PRELID2: variants seen among roughly 807,000 people sequenced by gnomAD.
PRELID2 encodes PRELI domain-containing protein 2.
A neutral mutation model predicts 28.4 loss-of-function variants in PRELID2; 25 were observed. That is an observed-to-expected ratio of 0.88 (90% confidence interval 0.64 to 1.23). The LOEUF is 1.23. Ranked by LOEUF, PRELID2 falls within the 50% of genes most tolerant of loss-of-function variation. The probability of loss-of-function intolerance (pLI) is 0.00; values close to 1 mark genes in which losing one functional copy is unlikely to be tolerated. For synonymous variants in PRELID2, 76 were observed against 71.6 expected (o/e 1.06, Z -0.31); for missense variants, 201 against 214.4 (o/e 0.94, Z 0.39).
intron 1 of PRELID2, among the ~76,000 whole-genome samples, chr5:145,656,879 T>C (rs947569529): frequency 2.6e-5 from 4 of 152,206 alleles, no homozygotes; most frequent in African/African-American, 9.6e-5. Flanking sequence ...TGTGCACATG[T>C]ACCCTAGAAC....
chr5:145,321,946 CAGG>C, the PRELID2 span, among the ~76,000 whole-genome samples: 1 of 152,326 alleles, frequency 6.6e-6, no homozygotes, highest in Non-Finnish European at 1.5e-5. Context: ...CCATCCTCAA[CAGG>C]AGATGTGTGT....
At chr5:145,489,960 C>T (rs554838513) in intron 1 of PRELID2, among the ~76,000 whole-genome samples, 11 of 152,200 alleles carry the variant, frequency 7.2e-5, no homozygotes, top group East Asian at 3.9e-4. Flanking sequence ...ATATAAAGAA[C>T]GACTTTGCAT....
At chr5:145,258,088 G>GA in the PRELID2 span, among the ~76,000 whole-genome samples, 3 of 152,102 alleles carry the variant, frequency 2.0e-5, no homozygotes, top group Non-Finnish European at 4.4e-5. Flanking sequence ...GAAGCTTCCT[G>GA]AAGCCTCCTG....
At chr5:145,453,062 T>A in the PRELID2 span, among the ~76,000 whole-genome samples, 1 of 152,278 alleles carries the variant, frequency 6.6e-6, no homozygotes, top group Non-Finnish European at 1.5e-5. Context: ...GAACATGGAA[T>A]CCTAATGCTG....
rs115535596 is a variant in PRELID2, at chr5:145,774,866, T to A, written c.475-9866A>T. ...CATTACATGCCTTCACCCTCTCACA[T>A]CCTACCTATAAGTCAATTACATAAG... On this transcript the variant is annotated intron_variant, in intron 5 of 6. Coordinates refer to ENST00000683046, the MANE Select transcript of PRELID2 (RefSeq NM_205846.3). Among the ~76,000 whole-genome samples the A allele has an allele frequency of 7.2e-3, 1,093 of 152,266 alleles. 6 individuals are homozygous for A. The highest frequency in any genetic ancestry group is 0.054 in the Middle Eastern group (16 of 294).
chr5:145,319,666 G>A, the PRELID2 span, among the ~76,000 whole-genome samples: 112 of 150,010 alleles, frequency 7.5e-4, 1 homozygote, highest in Middle Eastern at 3.4e-3. Context: ...GTGACAGAGC[G>A]AGACTCCATC....
At chr5:145,741,417 A>C (rs1198489693) in intron 1 of PRELID2, among the ~76,000 whole-genome samples, 1 of 112,718 alleles carries the variant, frequency 8.9e-6, no homozygotes, top group African/African-American at 3.9e-5. Flanking sequence ...ATTTATTTAT[A>C]ATTTATTTAT....
intron 5 of PRELID2, among the ~76,000 whole-genome samples, chr5:145,773,091 C>T (rs1253050033): frequency 6.6e-6 from 1 of 152,170 alleles, no homozygotes; most frequent in Non-Finnish European, 1.5e-5. Context: ...ATAAAGCTTT[C>T]TCTCTCCTTA....
the PRELID2 span, among the ~76,000 whole-genome samples, chr5:145,314,015 ATG>A: frequency 6.6e-6 from 1 of 152,222 alleles, no homozygotes; most frequent in Non-Finnish European, 1.5e-5. Flanking sequence ...CCCTAGCCAT[ATG>A]TACTTATGTT....
At chr5:145,485,402 A>G (rs1381780139) in intron 1 of PRELID2, among the ~76,000 whole-genome samples, 1 of 152,232 alleles carries the variant, frequency 6.6e-6, no homozygotes, top group Non-Finnish European at 1.5e-5. Flanking sequence ...TTGGCATACT[A>G]CTAGTCAGTG....
At chr5:145,562,031 C>G (rs1752929519) in intron 1 of PRELID2, among the ~76,000 whole-genome samples, 1 of 152,146 alleles carries the variant, frequency 6.6e-6, no homozygotes, top group Admixed American at 6.5e-5. Context: ...TGCACATACA[C>G]TCCCACTGAA....
the PRELID2 span, among the ~76,000 whole-genome samples, chr5:145,312,115 G>T: frequency 2.0e-5 from 3 of 151,704 alleles, no homozygotes; most frequent in Admixed American, 2.0e-4. Context: ...GGAGGCCAAG[G>T]TTGATGGGTT....
intron 1 of PRELID2, among the ~76,000 whole-genome samples, chr5:145,824,466 T>C (rs1428743053): frequency 2.8e-5 from 1 of 35,490 alleles, no homozygotes; most frequent in Admixed American, 2.8e-4. Flanking sequence ...GTGTGTGTGA[T>C]ATTGATTTAT....
intron 1 of PRELID2, among the ~76,000 whole-genome samples, chr5:145,518,188 G>A (rs1475774473): frequency 6.7e-6 from 1 of 150,356 alleles, no homozygotes; most frequent in Non-Finnish European, 1.5e-5. Context: ...ATGATGTCAT[G>A]AGTGCACTCT....
chr5:145,762,892 C>A lies in PRELID2; in HGVS notation c.*10+2039G>T, dbSNP rs992176066. Among the ~76,000 whole-genome samples, 6 of 152,164 alleles carry A rather than the reference C, an allele frequency of 3.9e-5. No homozygotes were observed. In the East Asian group the frequency reaches 9.6e-4, roughly 24 times the overall value. On this transcript the variant is annotated intron_variant, in intron 6 of 6. Coordinates refer to ENST00000683046, the MANE Select transcript of PRELID2 (RefSeq NM_205846.3). The stretch of plus-strand genomic sequence containing the variant: ...CAGTGACCTGGCATTTCATCTGTCT[C>A]CACCCAAAGAAGTGAACTCATTTAA...
chr5:145,564,168 T>G (rs576756001), intron 1 of PRELID2, among the ~76,000 whole-genome samples: 8 of 152,318 alleles, frequency 5.3e-5, no homozygotes, highest in Admixed American at 4.6e-4. Context: ...AAGAGAAACT[T>G]TGGTGTACCT....
the PRELID2 span, among the ~76,000 whole-genome samples, chr5:145,320,579 A>C: frequency 6.6e-6 from 1 of 152,126 alleles, no homozygotes; most frequent in Non-Finnish European, 1.5e-5. Context: ...GCCACACCAG[A>C]AGCACACATT....
chr5:145,305,643 G>T, the PRELID2 span, among the ~76,000 whole-genome samples: 15 of 152,076 alleles, frequency 9.9e-5, no homozygotes, highest in South Asian at 3.1e-3. Flanking sequence ...CTTTTCATTG[G>T]TCAGGGCAAG....
At chr5:145,677,156 T>G (rs936259501) in intron 1 of PRELID2, among the ~76,000 whole-genome samples, 10 of 146,562 alleles carry the variant, frequency 6.8e-5, no homozygotes, top group Non-Finnish European at 1.4e-4. Context: ...GTTTTGGTTT[T>G]TTTTTTTTTT....
Sources: gnomAD v4.1 joint callset for allele counts (sites outside exome capture counted in the v4.1 genomes callset) on GRCh38, gnomAD v4.1.1 for gene constraint, MANE v1.5 for transcripts, NCBI Gene and HGNC (gene_info 2026-07-23, HGNC 2026-07-21) for gene names.